Variants in TSNAXIP1 observed in about 807,000 individuals in gnomAD.
TSNAXIP1 encodes translin-associated factor X-interacting protein 1.
In TSNAXIP1, 89 loss-of-function variants were observed where a neutral mutation model predicts 84.8. That is an observed-to-expected ratio of 1.05 (90% CI 0.88 to 1.25). The LOEUF (loss-of-function observed/expected upper bound fraction) is 1.25. Among genes scored for constraint, TSNAXIP1 ranks in the 50% most tolerant of loss-of-function variants. TSNAXIP1 has a pLI of 0.00. For synonymous variants in TSNAXIP1, 347 were observed against 335.2 expected (o/e 1.04, Z -0.39); for missense variants, 874 against 887.6 (o/e 0.98, Z 0.20).
chr16:67,807,053 C>A lies in TSNAXIP1; in HGVS notation c.-97C>A. The stretch of plus-strand genomic sequence containing the variant: ...CGCATCCCTGACTCCGCCCCCGCCG[C>A]GGGGGGGCCTCTGGGGCCTGGTCGC... On this transcript the variant is annotated 5_prime_UTR_variant, in exon 1 of 16. Coordinates refer to ENST00000561639, the MANE Select transcript of TSNAXIP1 (RefSeq NM_001288990.3). The A allele has an allele frequency of 6.7e-7, 1 of 1,487,084 alleles. No homozygotes were observed. The highest frequency in any genetic ancestry group is 2.4e-5 in the Admixed American group (1 of 42,082). 92.1% of individuals were successfully genotyped at this position (1,487,084 alleles called of 1,614,324 possible). A position where few individuals can be genotyped will look rare whatever the true frequency, so the allele number is the denominator to read the frequency against.
At chr16:67,814,441 C>T in intron 2 of TSNAXIP1, 40 bp downstream of exon 2, 1 of 1,486,428 alleles carries the variant, frequency 6.7e-7, no homozygotes, top group Non-Finnish European at 9.1e-7. Flanking sequence ...AATGTCAGCC[C>T]CCAGACCCTA....
chr16:67,820,771 G>A, intron 2 of TSNAXIP1, 68 bp from the exon 3 acceptor site: 5 of 1,196,850 alleles, frequency 4.2e-6, no homozygotes, highest in Non-Finnish European at 5.8e-6. Flanking sequence ...TGGGGGAGGA[G>A]AGATGGAGAG....
intron 1 of TSNAXIP1, among the ~76,000 whole-genome samples, chr16:67,810,290 T>G (rs1429660289): frequency 6.6e-6 from 1 of 152,270 alleles, no homozygotes; most frequent in Middle Eastern, 3.4e-3. Flanking sequence ...TACCAAGATA[T>G]AACCCTGACA....
chr16:67,825,073 G>C (rs776830594), intron 6 of TSNAXIP1, 64 bp from the exon 7 acceptor site: 10 of 1,586,112 alleles, frequency 6.3e-6, no homozygotes, highest in Non-Finnish European at 8.6e-6. Context: ...CCACTCCCTG[G>C]GGTGACCAGC....
chr16:67,825,443 G>C, intron 7 of TSNAXIP1, 171 bp downstream of exon 7: 1 of 1,174,414 alleles, frequency 8.5e-7, no homozygotes, highest in Non-Finnish European at 1.2e-6. Flanking sequence ...GAGTTGAACT[G>C]AGAATTGTAG....
In TSNAXIP1 at chr16:67,826,132, C is replaced by T; in HGVS notation, c.1145-20C>T. The T allele has an allele frequency of 6.2e-7, 1 of 1,613,238 alleles. No individual in the cohort carries two copies. On this transcript the variant is annotated intron_variant, in intron 9 of 15. Transcript: ENST00000561639. Reference sequence around the variant, plus strand: ...GCTTACATGTGGGCCCAGACTCCAGCTCCCTCTCCCCACATGCAGATGTGG... The same window carrying T: ...GCTTACATGTGGGCCCAGACTCCAGTTCCCTCTCCCCACATGCAGATGTGG...
intron 5 of TSNAXIP1, among the ~76,000 whole-genome samples, chr16:67,824,128 A>C (rs1465471814): frequency 1.3e-5 from 2 of 151,832 alleles, no homozygotes; most frequent in Non-Finnish European, 2.9e-5. Flanking sequence ...TGGGGCAGCT[A>C]CCAACTGGGC....
Position 67,824,789 on chromosome 16 carries a change from A to C in TSNAXIP1, c.678+10A>C. The C allele has an allele frequency of 1.2e-6, 2 of 1,612,138 alleles. No homozygotes were observed. The highest frequency in any genetic ancestry group is 2.2e-5 in the South Asian group (2 of 90,742). On this transcript the variant is annotated intron_variant, in intron 6 of 15. Coordinates refer to ENST00000561639, the MANE Select transcript of TSNAXIP1 (RefSeq NM_001288990.3). Reference sequence around the variant, plus strand: ...TTCATTGCAGAGCGAGGTGAATGGAAGTGGTGTGATGATGACCAAGTCCCC... The same window carrying C: ...TTCATTGCAGAGCGAGGTGAATGGACGTGGTGTGATGATGACCAAGTCCCC...
Position 67,826,177 on chromosome 16 carries a change from C to T in TSNAXIP1, c.1170C>T (p.Arg390=). 6.2e-7 allele frequency: 1 copy of T among 1,612,514 alleles called. No homozygotes were observed. The highest frequency in any genetic ancestry group is 1.1e-5 in the South Asian group (1 of 90,948). The stretch of plus-strand genomic sequence containing the variant: ...ATGTGGTGGCTGGGGGCCCAGAGCG[C>T]TGGCAGATGCTGGCTGAGGGCAAGA... ...CKDVVAGGPE[R]WQMLAEGKNS... The change falls in exon 10 of 16, where the codon CGC becomes CGT. Residue 390 remains arginine (R), a synonymous_variant. Coordinates refer to ENST00000561639, the MANE Select transcript of TSNAXIP1 (RefSeq NM_001288990.3).
chr16:67,814,221 C>T (rs1297387122), intron 1 of TSNAXIP1, 81 bp from the exon 2 acceptor site: 1 of 1,163,674 alleles, frequency 8.6e-7, no homozygotes, highest in Non-Finnish European at 1.2e-6. Flanking sequence ...ACGGCTATGC[C>T]TTGTGGATCT....
chr16:67,816,504 C>T lies in TSNAXIP1; in HGVS notation c.147+2103C>T, dbSNP rs528608122. On this transcript the variant is annotated intron_variant, in intron 2 of 15. Transcript: ENST00000561639. ...ACACACTTTGTGGGGCTGGGGACTCCCAACACCCCTGCGGGAGTGACTCCA... is the reference window on the plus strand; with the variant it reads ...ACACACTTTGTGGGGCTGGGGACTCTCAACACCCCTGCGGGAGTGACTCCA... Among the ~76,000 whole-genome samples, 143 of 152,164 alleles carry T rather than the reference C, an allele frequency of 9.4e-4. 1 individual carries two copies. The highest frequency in any genetic ancestry group is 3.0e-3 in the African/African-American group (125 of 41,504).
intron 14 of TSNAXIP1, 44 bp from the exon 15 acceptor site, chr16:67,827,429 A>C (rs1465525661): frequency 1.2e-6 from 2 of 1,613,976 alleles, no homozygotes; most frequent in South Asian, 2.2e-5. Flanking sequence ...CCTTGGCTGG[A>C]CCCTACCCAA....
At chr16:67,827,399 T>A (rs183479727) in intron 14 of TSNAXIP1, 24 bp downstream of exon 14, 13 of 1,614,092 alleles carry the variant, frequency 8.1e-6, no homozygotes, top group Non-Finnish European at 1.1e-5. Flanking sequence ...GTCCGGGGAC[T>A]GGCCTGGCCC....
rs567030570 is a variant in TSNAXIP1, at chr16:67,824,636, A to G, written c.535A>G (p.Thr179Ala). 6.2e-7 allele frequency: 1 copy of G among 1,614,162 alleles called. No individual in the cohort carries two copies. Among genetic ancestry groups the G allele is most frequent in the Admixed American group, 1.7e-5 (1 of 60,020 alleles). Residue 179 changes from threonine (T) to alanine (A), a missense_variant, in exon 6 of 16, where the codon ACT (threonine) becomes GCT (alanine). Transcript: ENST00000561639. ...ALEPLKAKLV[T>A]VNEDCNERIL... Reference sequence around the variant, plus strand: ...GGAGCCCCTGAAGGCCAAGCTTGTCACTGTGAATGAGGACTGCAATGAGAG... The same window carrying G: ...GGAGCCCCTGAAGGCCAAGCTTGTCGCTGTGAATGAGGACTGCAATGAGAG...
At chr16:67,818,983 G>A (rs1045426422) in intron 2 of TSNAXIP1, among the ~76,000 whole-genome samples, 4 of 151,922 alleles carry the variant, frequency 2.6e-5, no homozygotes, top group African/African-American at 4.8e-5. Context: ...GGAATCAGGC[G>A]TGAGCTGGGC....
intron 2 of TSNAXIP1, among the ~76,000 whole-genome samples, chr16:67,816,001 C>A (rs910257106): frequency 7.5e-6 from 1 of 132,720 alleles, no homozygotes; most frequent in South Asian, 2.3e-4. Context: ...GACGGAATCT[C>A]GCTGTCGCCC....
At chr16:67,809,625 CA>C (rs972655441) in intron 1 of TSNAXIP1, among the ~76,000 whole-genome samples, 2 of 146,258 alleles carry the variant, frequency 1.4e-5, no homozygotes, top group African/African-American at 5.2e-5. Flanking sequence ...GACTCCGTCT[CA>C]AAAAAAAATA....
chr16:67,821,121 C>T lies in TSNAXIP1; in HGVS notation c.283C>T (p.Arg95Cys), dbSNP rs747610440. Residue 95 changes from arginine (R) to cysteine (C), a missense_variant, in exon 4 of 16, where the codon CGC becomes TGC. Coordinates refer to ENST00000561639, the MANE Select transcript of TSNAXIP1 (RefSeq NM_001288990.3). ...CAGGAGCTGCCAGCAGCACCCCTTT[C>T]GCACTGCCAAGCCCCAGTACTTGGA... is the stretch of plus-strand genomic sequence containing the variant. ...RVGSCQQHPF[R>C]TAKPQYLEEL... 42 of 1,613,034 alleles carry T rather than the reference C, an allele frequency of 2.6e-5. No homozygotes were observed. Among genetic ancestry groups the T allele is most frequent in the Admixed American group, 3.3e-5 (2 of 59,772 alleles).
Position 67,824,745 on chromosome 16 carries a change from A to G in TSNAXIP1, c.644A>G (p.Lys215Arg), listed in dbSNP as rs759243670. 2 of 1,614,170 alleles carry G rather than the reference A, an allele frequency of 1.2e-6. No individual in the cohort carries two copies. Among genetic ancestry groups the G allele is most frequent in the Non-Finnish European group, 1.7e-6 (2 of 1,180,004 alleles). Reference sequence around the variant, plus strand: ...ATGAACTTGCTAAAACTCATCGACAAAAAGAATGAGGAGAAGATTTCATTG... The same window carrying G: ...ATGAACTTGCTAAAACTCATCGACAGAAAGAATGAGGAGAAGATTTCATTG... ...EKMNLLKLID[K>R]KNEEKISLQS... is the part of the protein sequence containing the mutation. Residue 215 changes from lysine (K) to arginine (R), a missense_variant, in exon 6 of 16, where the codon AAA becomes AGA. By Grantham distance (26) the Lys-to-Arg change is conservative (BLOSUM62 2). Coordinates refer to ENST00000561639, the MANE Select transcript of TSNAXIP1 (RefSeq NM_001288990.3).
Sources: gnomAD v4.1 joint callset for allele counts (sites outside exome capture counted in the v4.1 genomes callset) on GRCh38, gnomAD v4.1.1 for gene constraint, MANE v1.5 for transcripts, NCBI Gene and HGNC (gene_info 2026-07-23, HGNC 2026-07-21) for gene names.